Variants in GPC6 observed in about 807,000 individuals in gnomAD.
The protein encoded by GPC6 is glypican-6.
In GPC6, 14 loss-of-function variants were observed where a neutral mutation model predicts 55.2. The observed-to-expected ratio is 0.25, with a 90% CI of 0.17 to 0.40. The LOEUF (loss-of-function observed/expected upper bound fraction) is 0.40, where lower values mean the gene tolerates loss of function less well. GPC6 is among the 10% of genes least tolerant of loss of function. The probability of loss-of-function intolerance (pLI) is 1.00; values close to 1 mark genes in which losing one functional copy is unlikely to be tolerated. For missense variants in GPC6, 641 were observed against 708.5 expected (o/e 0.90, Z 1.08); for synonymous variants, 278 against 259.6 (o/e 1.07, Z -0.68).
chr13:93,375,854 T>G (rs1874872183), intron 1 of GPC6, among the ~76,000 whole-genome samples: 1 of 152,332 alleles, frequency 6.6e-6, no homozygotes, highest in South Asian at 2.1e-4. Flanking sequence ...TCCCTATTTC[T>G]AACTTTCCTA....
intron 3 of GPC6, among the ~76,000 whole-genome samples, chr13:93,889,193 A>C (rs1295405555): frequency 6.6e-6 from 1 of 152,032 alleles, no homozygotes; most frequent in Non-Finnish European, 1.5e-5. Flanking sequence ...TTATATACTC[A>C]CTGCTCACTT....
intron 1 of GPC6, among the ~76,000 whole-genome samples, chr13:93,508,893 A>AT: frequency 6.6e-6 from 1 of 152,294 alleles, no homozygotes; most frequent in Middle Eastern, 3.4e-3. Context: ...AGCCTGGAAA[A>AT]TGTATCTGTA....
intron 2 of GPC6, among the ~76,000 whole-genome samples, chr13:93,741,732 C>A (rs752935945): frequency 2.0e-5 from 3 of 152,014 alleles, no homozygotes; most frequent in Admixed American, 6.6e-5. Flanking sequence ...TTCCATAAAC[C>A]AGTAAATGCT....
intron 4 of GPC6, among the ~76,000 whole-genome samples, chr13:94,279,503 C>G (rs1232229190): frequency 6.6e-6 from 1 of 151,918 alleles, no homozygotes; most frequent in Non-Finnish European, 1.5e-5. Context: ...TTAGTTTGCT[C>G]TTGCTTCTCT....
intron 2 of GPC6, among the ~76,000 whole-genome samples, chr13:93,555,884 A>G (rs1875434727): frequency 6.6e-6 from 1 of 152,106 alleles, no homozygotes; most frequent in Non-Finnish European, 1.5e-5. Context: ...CTGCTCCACC[A>G]CACTTAACAC....
At chr13:94,203,400 T>G (rs1013719890) in intron 4 of GPC6, among the ~76,000 whole-genome samples, 1 of 152,070 alleles carries the variant, frequency 6.6e-6, no homozygotes, top group Non-Finnish European at 1.5e-5. Flanking sequence ...TTTATATTGG[T>G]TCTGGAAAGC....
At chr13:93,978,731 C>T (rs767131399) in intron 3 of GPC6, among the ~76,000 whole-genome samples, 13 of 152,018 alleles carry the variant, frequency 8.6e-5, no homozygotes, top group Non-Finnish European at 1.5e-4. Flanking sequence ...TGAGGTTTTT[C>T]CTATAACCTC....
intron 1 of GPC6, among the ~76,000 whole-genome samples, chr13:93,539,056 T>G (rs965568492): frequency 4.6e-5 from 7 of 152,180 alleles, no homozygotes; most frequent in African/African-American, 1.7e-4. Context: ...ATTAGGTATA[T>G]CTCCCAATAT....
At chr13:94,341,257 G>C (rs1272772524) in intron 6 of GPC6, among the ~76,000 whole-genome samples, 1 of 152,080 alleles carries the variant, frequency 6.6e-6, no homozygotes, top group Non-Finnish European at 1.5e-5. Flanking sequence ...CTCTTAGCTT[G>C]TTCCCTAATG....
At chr13:93,283,574 C>T (rs1399572123) in intron 1 of GPC6, among the ~76,000 whole-genome samples, 1 of 152,114 alleles carries the variant, frequency 6.6e-6, no homozygotes, top group East Asian at 1.9e-4. Flanking sequence ...TGCCAATTTT[C>T]ATTATTGGCA....
intron 7 of GPC6, among the ~76,000 whole-genome samples, chr13:94,396,944 T>A (rs1880921682): frequency 6.6e-6 from 1 of 152,144 alleles, no homozygotes; most frequent in Admixed American, 6.5e-5. Flanking sequence ...AAGCCTCAGT[T>A]TTCTGTTTCA....
chr13:93,694,389 T>G (rs2138785264), intron 2 of GPC6, among the ~76,000 whole-genome samples: 1 of 152,270 alleles, frequency 6.6e-6, no homozygotes, highest in Admixed American at 6.5e-5. Context: ...TATTTCAAAA[T>G]ATATTTTCCC....
At chr13:93,968,145 T>A (rs1438250008) in intron 3 of GPC6, among the ~76,000 whole-genome samples, 1 of 152,186 alleles carries the variant, frequency 6.6e-6, no homozygotes, top group Non-Finnish European at 1.5e-5. Context: ...TACTTTCTGG[T>A]GTACTTAGTA....
chr13:93,658,064 A>C (rs901910139), intron 2 of GPC6, among the ~76,000 whole-genome samples: 8 of 152,196 alleles, frequency 5.3e-5, no homozygotes, highest in African/African-American at 1.9e-4. Context: ...CCCTGAACCT[A>C]AAATAAATGT....
At chr13:93,889,804 C>A (rs1875558608) in intron 3 of GPC6, among the ~76,000 whole-genome samples, 1 of 152,038 alleles carries the variant, frequency 6.6e-6, no homozygotes, top group African/African-American at 2.4e-5. Context: ...TTGCTATGGC[C>A]ATATGGAGTC....
At chr13:93,604,252 A>G (rs1878143987) in intron 2 of GPC6, among the ~76,000 whole-genome samples, 1 of 152,208 alleles carries the variant, frequency 6.6e-6, no homozygotes, top group African/African-American at 2.4e-5. Flanking sequence ...CACAGTCTAC[A>G]TAGGCTGATT....
intron 1 of GPC6, chr13:93,395,627 C>T (rs1344265586): frequency 1.3e-5 from 2 of 157,230 alleles, no homozygotes; most frequent in African/African-American, 4.8e-5. Flanking sequence ...CTTCCATTCA[C>T]TTTGTGCCAC....
At chr13:94,003,483 T>C (rs1004818704) in intron 3 of GPC6, among the ~76,000 whole-genome samples, 2 of 152,316 alleles carry the variant, frequency 1.3e-5, no homozygotes, top group African/African-American at 4.8e-5. Flanking sequence ...TGTCTTTGAT[T>C]GGGATAAGCA....
intron 4 of GPC6, among the ~76,000 whole-genome samples, chr13:94,172,069 T>C (rs915582975): frequency 6.6e-6 from 1 of 152,098 alleles, no homozygotes; most frequent in African/African-American, 2.4e-5. Flanking sequence ...GCCCCCCAAA[T>C]TGCACACACA....
Sources: allele counts gnomAD v4.1 joint callset (sites outside exome capture counted in the v4.1 genomes callset), GRCh38; gene constraint gnomAD v4.1.1; transcripts MANE v1.5; gene names NCBI Gene and HGNC (gene_info 2026-07-23, HGNC 2026-07-21).